The following SYT2 variants were observed in gnomAD, a reference collection of about 807,000 sequenced individuals.
SYT2 encodes the protein synaptotagmin 2.
SYT2 carries 15 observed loss-of-function variants against 39.9 expected under a neutral mutation model. The ratio of observed to expected loss-of-function variants is 0.38; its 90% CI spans 0.25 to 0.58. The LOEUF (loss-of-function observed/expected upper bound fraction) is 0.58. Ranked by LOEUF, SYT2 falls within the 20% of genes least tolerant of loss-of-function variation. SYT2 has a pLI of 0.70. For synonymous variants in SYT2, 181 were observed against 204.5 expected (o/e 0.89, Z 0.98); for missense variants, 389 against 530.3 (o/e 0.73, Z 2.62).
chr1:202,686,289 C>T (rs1653663747), intron 1 of SYT2, among the ~76,000 whole-genome samples: 1 of 152,134 alleles, frequency 6.6e-6, no homozygotes, highest in Non-Finnish European at 1.5e-5. Flanking sequence ...TATAAATTAC[C>T]CAGCCGCAGA....
At chr1:202,660,088 T>G (rs1401032054) in intron 1 of SYT2, among the ~76,000 whole-genome samples, 1 of 152,104 alleles carries the variant, frequency 6.6e-6, no homozygotes, top group Non-Finnish European at 1.5e-5. Context: ...CATTGCCAGT[T>G]GAGGTGACAG....
rs995861307 is a variant in SYT2 at position 202,599,703 on chromosome 1, C to G, written c.920-352G>C. ...ACACACATCTGCTGGGTCATAATCC[C>G]AATCCGATCCCCCTAATCTTGCAGA... On this transcript the variant is annotated intron_variant, in intron 7 of 8. Coordinates refer to ENST00000367268, the MANE Select transcript of SYT2 (RefSeq NM_177402.5). This position sits in a 1 kb window ranked among gnomAD's most constrained non-coding sequence, Gnocchi z 4.4. 6.6e-6 allele frequency among the ~76,000 whole-genome samples: 1 copy of G among 152,146 alleles called. No individual in the cohort carries two copies. The highest frequency in any genetic ancestry group is 2.4e-5 in the African/African-American group (1 of 41,430).
Position 202,661,630 on chromosome 1 carries a change from T to TG in SYT2, c.-18+48627dup, listed in dbSNP as rs754075722. On this transcript the variant is annotated intron_variant, in intron 1 of 8. Transcript: ENST00000367268. Reference sequence around the variant, plus strand: ...TGGCCTCAATTTTTCATGCCAGTCCTGCATCCATCACTGGCCTGCCAACTC... The same window carrying TG: ...TGGCCTCAATTTTTCATGCCAGTCCTGGCATCCATCACTGGCCTGCCAACTC... 4.0e-3 allele frequency among the ~76,000 whole-genome samples: 609 copies of TG among 152,272 alleles called. 4 individuals carry two copies. The highest frequency in any genetic ancestry group is 0.01 in the Middle Eastern group (3 of 294).
chr1:202,633,303 G>T (rs146721673), intron 1 of SYT2, among the ~76,000 whole-genome samples: 1 of 152,296 alleles, frequency 6.6e-6, no homozygotes, highest in South Asian at 2.1e-4. Flanking sequence ...AGACGGCTGG[G>T]TAGTTCATTG....
chr1:202,680,814 T>C (rs886986613), intron 1 of SYT2, among the ~76,000 whole-genome samples: 2 of 151,942 alleles, frequency 1.3e-5, no homozygotes, highest in African/African-American at 4.8e-5. Context: ...GCATGCAGAG[T>C]GGTGGTGTGA....
intron 1 of SYT2, among the ~76,000 whole-genome samples, chr1:202,638,247 T>TC (rs1318327171): frequency 2.0e-5 from 3 of 146,480 alleles, no homozygotes; most frequent in African/African-American, 5.1e-5. Context: ...TTGCCCCTCC[T>TC]CCCCCCCAGC....
chr1:202,602,677 T>A, intron 4 of SYT2, 132 bp from the exon 5 acceptor site: 1 of 897,196 alleles, frequency 1.1e-6, no homozygotes, highest in Non-Finnish European at 1.7e-6. Context: ...GGGAGGCTGG[T>A]GCTAGAGAGG....
At chr1:202,684,785 C>G (rs1653620046) in intron 1 of SYT2, among the ~76,000 whole-genome samples, 3 of 152,188 alleles carry the variant, frequency 2.0e-5, no homozygotes, top group Non-Finnish European at 4.4e-5. Context: ...TGTTGTGAAG[C>G]CTACCTTCTG....
intron 1 of SYT2, among the ~76,000 whole-genome samples, chr1:202,706,864 C>T (rs769158705): frequency 2.0e-4 from 31 of 152,278 alleles, no homozygotes; most frequent in African/African-American, 4.6e-4. Flanking sequence ...TAAAATAACA[C>T]GAATAGTTAT....
chr1:202,657,274 C>CT (rs1692293900), intron 1 of SYT2, among the ~76,000 whole-genome samples: 1 of 152,208 alleles, frequency 6.6e-6, no homozygotes, highest in Admixed American at 6.5e-5. Flanking sequence ...TCACCACGGT[C>CT]TTTAGAGCAA....
intron 1 of SYT2, among the ~76,000 whole-genome samples, chr1:202,654,382 C>A (rs1030123248): frequency 6.6e-6 from 1 of 152,230 alleles, no homozygotes; most frequent in Non-Finnish European, 1.5e-5. Flanking sequence ...CTTGCAGCAC[C>A]TACACTTAGG....
At chr1:202,651,200 G>A (rs773106663) in intron 1 of SYT2, among the ~76,000 whole-genome samples, 32 of 152,174 alleles carry the variant, frequency 2.1e-4, no homozygotes, top group Non-Finnish European at 4.0e-4. Flanking sequence ...GGAGTGGGAA[G>A]GAAGGGATGG....
At chr1:202,667,304 G>A (rs974483983) in intron 1 of SYT2, among the ~76,000 whole-genome samples, 6 of 152,174 alleles carry the variant, frequency 3.9e-5, no homozygotes, top group Admixed American at 3.9e-4. Flanking sequence ...GAGGCCACTT[G>A]AGGCAAAGAG....
At chr1:202,682,042 A>G (rs1391830988) in intron 1 of SYT2, among the ~76,000 whole-genome samples, 1 of 152,114 alleles carries the variant, frequency 6.6e-6, no homozygotes, top group Non-Finnish European at 1.5e-5. Flanking sequence ...TCTGAAATCC[A>G]GCCTCCCAGA....
At chr1:202,603,270 A>T (rs1186114511) in intron 3 of SYT2, 152 bp from the exon 4 acceptor site, 3 of 1,102,194 alleles carry the variant, frequency 2.7e-6, no homozygotes, top group Non-Finnish European at 3.8e-6. Flanking sequence ...TGGCCCTGCC[A>T]TGGGACCCTC....
At chr1:202,636,947 G>A (rs1165544489) in intron 1 of SYT2, among the ~76,000 whole-genome samples, 2 of 152,306 alleles carry the variant, frequency 1.3e-5, no homozygotes, top group African/African-American at 4.8e-5. Context: ...CCTAGCCCTA[G>A]CATCTGAGGT....
Position 202,613,068 on chromosome 1 carries a change from C to CTT in SYT2, c.-17-7281_-17-7280dup, listed in dbSNP as rs146069389. 8.9e-4 allele frequency among the ~76,000 whole-genome samples: 67 copies of CTT among 75,112 alleles called. 2 individuals carry two copies. The highest frequency in any genetic ancestry group is 3.9e-3 in the African/African-American group (67 of 17,002). 49.3% of individuals were successfully genotyped at this position (75,112 alleles called of 152,430 possible). On this transcript the variant is annotated intron_variant, in intron 1 of 8. Coordinates refer to ENST00000367268, the MANE Select transcript of SYT2 (RefSeq NM_177402.5). ...ACATTGCCGAACTCATTGGTTCTTCCTTTTTTTTTTTTTTTTTTTTTTTTT... is the reference window on the plus strand; with the variant it reads ...ACATTGCCGAACTCATTGGTTCTTCCTTTTTTTTTTTTTTTTTTTTTTTTTTT...
At chr1:202,676,139 C>T (rs571124497) in intron 1 of SYT2, among the ~76,000 whole-genome samples, 27 of 152,300 alleles carry the variant, frequency 1.8e-4, no homozygotes, top group East Asian at 1.2e-3. Flanking sequence ...GCCCAGGGTA[C>T]GCAGGCTGTG....
chr1:202,642,189 G>GA (rs1691934050), intron 1 of SYT2, among the ~76,000 whole-genome samples: 1 of 152,008 alleles, frequency 6.6e-6, no homozygotes, highest in Non-Finnish European at 1.5e-5. Context: ...GGACAGGTCA[G>GA]AATGGAAGCT....
Sources: allele counts gnomAD v4.1 joint callset (sites outside exome capture counted in the v4.1 genomes callset), GRCh38; gene constraint gnomAD v4.1.1; non-coding constraint Gnocchi (gnomAD v3.1); transcripts MANE v1.5; gene names NCBI Gene and HGNC (gene_info 2026-07-23, HGNC 2026-07-21).